The following TMEM131 variants were observed in gnomAD, a reference collection of about 807,000 sequenced individuals.
The protein encoded by TMEM131 is transmembrane protein 131, also known as 2610524E03Rik.
In TMEM131, 66 loss-of-function variants were observed where a neutral mutation model predicts 211.6. The ratio of observed to expected loss-of-function variants is 0.31; its 90% CI spans 0.26 to 0.38. TMEM131 has a LOEUF of 0.38. TMEM131 is among the 10% of genes least tolerant of loss of function. The pLI is 1.00. For synonymous variants in TMEM131, 844 were observed against 841.3 expected, an observed-to-expected ratio of 1.00 and a Z score of -0.06; for missense variants, 2,036 against 2,299.3, an observed-to-expected ratio of 0.89 and a Z score of 2.34.
chr2:97,932,088 G>T (rs1677246005), intron 1 of TMEM131, among the ~76,000 whole-genome samples: 3 of 151,726 alleles, frequency 2.0e-5, no homozygotes. Context: ...GTTGCAGTGG[G>T]CTGAGATAGT....
intron 11 of TMEM131, among the ~76,000 whole-genome samples, chr2:97,828,959 G>C (rs1460782071): frequency 1.3e-5 from 2 of 152,172 alleles, no homozygotes; most frequent in African/African-American, 4.8e-5. Flanking sequence ...GCTACAGATG[G>C]TCTTACAAAT....
intron 22 of TMEM131, among the ~76,000 whole-genome samples, chr2:97,804,427 G>A (rs1473772737): frequency 6.6e-6 from 1 of 152,014 alleles, no homozygotes; most frequent in Non-Finnish European, 1.5e-5. Flanking sequence ...CACTTTGGGA[G>A]GCTGAGGTGG....
At chr2:97,967,083 T>C (rs772859276) in intron 1 of TMEM131, among the ~76,000 whole-genome samples, 3 of 152,170 alleles carry the variant, frequency 2.0e-5, no homozygotes, top group Admixed American at 6.5e-5. Flanking sequence ...GTGAGTCAGA[T>C]GGAACTTATG....
chr2:97,963,179 C>T (rs10176826), intron 1 of TMEM131, among the ~76,000 whole-genome samples: 56,769 of 151,972 alleles, frequency 0.37, 11,707 homozygotes, highest in African/African-American at 0.52. Context: ...ATAGAGTTGG[C>T]TAAAACATAA....
At chr2:97,879,186 G>C (rs1376875316) in intron 4 of TMEM131, among the ~76,000 whole-genome samples, 1 of 152,200 alleles carries the variant, frequency 6.6e-6, no homozygotes, top group African/African-American at 2.4e-5. Context: ...AGAATGCAAG[G>C]CTGAAGAGCA....
chr2:97,848,818 C>T (rs1683568278), intron 5 of TMEM131, among the ~76,000 whole-genome samples: 1 of 151,928 alleles, frequency 6.6e-6, no homozygotes. Context: ...AAACTGGACA[C>T]CATGAAAATT....
chr2:97,927,186 G>C (rs1178813193), intron 2 of TMEM131, among the ~76,000 whole-genome samples: 2 of 152,032 alleles, frequency 1.3e-5, no homozygotes, highest in African/African-American at 2.4e-5. Context: ...GAATGATAAT[G>C]TACTTATTTA....
chr2:97,962,499 G>A (rs568354803), intron 1 of TMEM131, among the ~76,000 whole-genome samples: 66 of 152,056 alleles, frequency 4.3e-4, no homozygotes, highest in African/African-American at 1.2e-3. Flanking sequence ...GTGAGACTCC[G>A]TCTCAAAAAA....
At chr2:97,960,165 A>G (rs1678755849) in intron 1 of TMEM131, among the ~76,000 whole-genome samples, 1 of 152,226 alleles carries the variant, frequency 6.6e-6, no homozygotes. Flanking sequence ...TAATTCATAA[A>G]AAGAATTTTG....
intron 5 of TMEM131, among the ~76,000 whole-genome samples, chr2:97,846,559 A>T (rs1330640497): frequency 6.6e-6 from 1 of 152,214 alleles, no homozygotes; most frequent in Non-Finnish European, 1.5e-5. Flanking sequence ...AACACCTACA[A>T]AAACCCTAAA....
At chr2:97,868,342 T>TTA (rs1356172773) in intron 4 of TMEM131, among the ~76,000 whole-genome samples, 26 of 152,072 alleles carry the variant, frequency 1.7e-4, no homozygotes, top group African/African-American at 5.6e-4. Context: ...GTCTATGTCT[T>TTA]TATATATATA....
At chr2:97,849,720 T>C (rs1379972644) in intron 5 of TMEM131, among the ~76,000 whole-genome samples, 30 of 141,750 alleles carry the variant, frequency 2.1e-4, no homozygotes, top group Admixed American at 2.8e-4. Flanking sequence ...TCTCTCTCTT[T>C]TTTTTTTTTT....
At chr2:97,895,395 G>A (rs1297977747) in intron 3 of TMEM131, among the ~76,000 whole-genome samples, 2 of 152,150 alleles carry the variant, frequency 1.3e-5, no homozygotes, top group East Asian at 3.8e-4. Flanking sequence ...AATGAGTTAA[G>A]GAGGATTCTC....
Position 97,812,636 on chromosome 2 carries a change from T to C in TMEM131, c.1728+3A>G. On this transcript the variant is annotated splice_donor_region_variant and intron_variant, in intron 16 of 40. Coordinates refer to ENST00000186436, the MANE Select transcript of TMEM131 (RefSeq NM_015348.2). The stretch of plus-strand genomic sequence containing the variant: ...GTGATTTAGAATAAAAACAGGTTTT[T>C]ACCTCAATTGGATTGCTGTTTATAA... 1.9e-6 allele frequency: 3 copies of C among 1,588,544 alleles called. No homozygotes were observed. Among genetic ancestry groups the C allele is most frequent in the Non-Finnish European group, 2.6e-6 (3 of 1,169,952 alleles).
At chr2:97,954,323 G>A (rs186523490) in intron 1 of TMEM131, among the ~76,000 whole-genome samples, 1 of 152,220 alleles carries the variant, frequency 6.6e-6, no homozygotes, top group East Asian at 1.9e-4. Flanking sequence ...ATGAAACAAG[G>A]GATAGCTTCA....
At chr2:97,766,004 G>T in intron 35 of TMEM131, 110 bp downstream of exon 35, 1 of 1,387,750 alleles carries the variant, frequency 7.2e-7, no homozygotes, top group Non-Finnish European at 9.8e-7. Context: ...AGCTGGCAAA[G>T]CACTGTCAAT....
intron 12 of TMEM131, 89 bp downstream of exon 12, chr2:97,818,524 T>C (rs1681954922): frequency 1.4e-6 from 1 of 730,082 alleles, no homozygotes; most frequent in Non-Finnish European, 2.2e-6. Context: ...TAAAACAGTT[T>C]GGATTTTTAT....
chr2:97,853,607 G>GAA (rs565061872), intron 5 of TMEM131, among the ~76,000 whole-genome samples: 30 of 125,012 alleles, frequency 2.4e-4, no homozygotes, highest in Admixed American at 3.3e-4. Flanking sequence ...CCCCGTCTTG[G>GAA]AAAAAAAAAA....
rs1680471773 is a variant in TMEM131 at position 97,995,597 on chromosome 2, C to A, written c.66G>T (p.Gly22=). The A allele has an allele frequency of 2.4e-6, 3 of 1,263,188 alleles. No homozygotes were observed. The highest frequency in any genetic ancestry group is 3.0e-6 in the Non-Finnish European group (3 of 1,005,964). 78.2% of individuals were successfully genotyped at this position (1,263,188 alleles called of 1,614,324 possible). A position where few individuals can be genotyped will look rare whatever the true frequency, so the allele number is the denominator to read the frequency against. ...ATTAAVSTSA[G]AGLEPAAARS... ...GGGCGGCCGCAGGTTCCAGCCCGGCCCCGGCGGACGTGGAGACGGCGGCGG... is the reference window on the plus strand; with the variant it reads ...GGGCGGCCGCAGGTTCCAGCCCGGCACCGGCGGACGTGGAGACGGCGGCGG... The change falls in exon 1 of 41, where the codon GGG becomes GGT. Residue 22 remains glycine, a synonymous_variant. Coordinates refer to ENST00000186436, the MANE Select transcript of TMEM131 (RefSeq NM_015348.2).
Sources: allele counts gnomAD v4.1 joint callset (sites outside exome capture counted in the v4.1 genomes callset), GRCh38; gene constraint gnomAD v4.1.1; transcripts MANE v1.5; gene names NCBI Gene and HGNC (gene_info 2026-07-23, HGNC 2026-07-21).